The following PTPRO variants were observed in gnomAD, a reference collection of about 807,000 sequenced individuals.
PTPRO encodes protein tyrosine phosphatase receptor type O.
Under a neutral mutation model 145.2 loss-of-function variants are expected in PTPRO, and 62 were observed. The ratio of observed to expected loss-of-function variants is 0.43; its 90% CI spans 0.35 to 0.53. The LOEUF is 0.53. Ranked by LOEUF, PTPRO falls within the 20% of genes least tolerant of loss-of-function variation. PTPRO has a pLI of 0.01. For missense variants in PTPRO, 1,345 were observed against 1,482.7 expected (o/e 0.91, Z 1.53); for synonymous variants, 565 against 514.7 (o/e 1.10, Z -1.32).
intron 1 of PTPRO, among the ~76,000 whole-genome samples, chr12:15,388,052 A>T (rs966024174): frequency 2.6e-5 from 4 of 152,202 alleles, no homozygotes; most frequent in African/African-American, 9.6e-5. Flanking sequence ...AATGCTCATT[A>T]TAGAACAACC....
chr12:15,516,968 T>C lies in PTPRO; in HGVS notation c.1779+12T>C. 1.2e-6 allele frequency: 2 copies of C among 1,605,416 alleles called. No homozygotes were observed. The highest frequency in any genetic ancestry group is 1.7e-6 in the Non-Finnish European group (2 of 1,172,002). On this transcript the variant is annotated intron_variant, in intron 9 of 26. Transcript: ENST00000281171. ...TAACTGCATCCGTGGTAATCTTCCCTTAACCAACTGTCAGTCTTTCCTATG... is the reference window on the plus strand; with the variant it reads ...TAACTGCATCCGTGGTAATCTTCCCCTAACCAACTGTCAGTCTTTCCTATG...
At chr12:15,360,892 GTATATACACACACA>G (rs1440370539) in intron 1 of PTPRO, among the ~76,000 whole-genome samples, 14 of 127,456 alleles carry the variant, frequency 1.1e-4, no homozygotes, top group African/African-American at 4.0e-4. Context: ...ATACACATGT[GTATATACACACACA>G]TATATACACA....
intron 20 of PTPRO, among the ~76,000 whole-genome samples, chr12:15,579,366 C>A (rs535802434): frequency 6.6e-6 from 1 of 152,098 alleles, no homozygotes; most frequent in Admixed American, 6.6e-5. Context: ...TAATAAAAAG[C>A]AGCATTCAAG....
chr12:15,364,600 C>A (rs1030234792), intron 1 of PTPRO, among the ~76,000 whole-genome samples: 14 of 152,102 alleles, frequency 9.2e-5, no homozygotes, highest in Non-Finnish European at 1.8e-4. Flanking sequence ...CACACCAGCC[C>A]AGCAATCCAG....
intron 2 of PTPRO, among the ~76,000 whole-genome samples, chr12:15,495,350 C>G (rs1243377816): frequency 6.7e-6 from 1 of 148,896 alleles, no homozygotes; most frequent in Non-Finnish European, 1.5e-5. Flanking sequence ...AGAACCTGAG[C>G]AACAAAATAA....
At chr12:15,583,161 A>G (rs533816158) in intron 23 of PTPRO, among the ~76,000 whole-genome samples, 1 of 152,208 alleles carries the variant, frequency 6.6e-6, no homozygotes, top group Non-Finnish European at 1.5e-5. Context: ...CCCATGAGCT[A>G]AGAATGGTTT....
At chr12:15,421,235 A>G (rs573384677) in intron 1 of PTPRO, among the ~76,000 whole-genome samples, 3 of 152,318 alleles carry the variant, frequency 2.0e-5, no homozygotes, top group South Asian at 4.1e-4. Context: ...AGGATATTTC[A>G]TTTAACTTAC....
intron 1 of PTPRO, among the ~76,000 whole-genome samples, chr12:15,461,113 T>C (rs552210775): frequency 5.0e-4 from 76 of 152,280 alleles, no homozygotes; most frequent in African/African-American, 1.6e-3. Flanking sequence ...TTACAGCCCA[T>C]TCTCTCTGAA....
At chr12:15,498,384 G>A (rs1029847812) in intron 3 of PTPRO, among the ~76,000 whole-genome samples, 1 of 152,064 alleles carries the variant, frequency 6.6e-6, no homozygotes, top group Non-Finnish European at 1.5e-5. Context: ...GTGAAACACC[G>A]TCTCTACTAA....
chr12:15,507,721 A>G (rs1942352651), intron 6 of PTPRO, among the ~76,000 whole-genome samples: 1 of 152,154 alleles, frequency 6.6e-6, no homozygotes, highest in Non-Finnish European at 1.5e-5. Flanking sequence ...CCCTTGCACC[A>G]TTTACACCAA....
chr12:15,431,315 A>G (rs1940432687), intron 1 of PTPRO, among the ~76,000 whole-genome samples: 2 of 152,216 alleles, frequency 1.3e-5, no homozygotes, highest in African/African-American at 4.8e-5. Context: ...CTCAGGAGCA[A>G]TTAACTAGTT....
At chr12:15,581,562 T>C (rs1028805818) in intron 22 of PTPRO, 117 bp from the exon 23 acceptor site, 5 of 1,256,742 alleles carry the variant, frequency 4.0e-6, no homozygotes, top group African/African-American at 1.5e-5. Flanking sequence ...ATGTTTCATC[T>C]TCACCACGGT....
intron 1 of PTPRO, among the ~76,000 whole-genome samples, chr12:15,467,887 G>A (rs910730364): frequency 5.9e-5 from 9 of 152,216 alleles, no homozygotes; most frequent in East Asian, 5.8e-4. Flanking sequence ...TCAGGGTGAC[G>A]GAGAACTATT....
intron 1 of PTPRO, among the ~76,000 whole-genome samples, chr12:15,369,122 A>G (rs1193058852): frequency 6.6e-6 from 1 of 152,108 alleles, no homozygotes; most frequent in Non-Finnish European, 1.5e-5. Context: ...AGGAGTTTTA[A>G]TTGGACCTTC....
chr12:15,459,898 G>A lies in PTPRO; in HGVS notation c.76-24076G>A, dbSNP rs1048818360. Among the ~76,000 whole-genome samples the A allele has an allele frequency of 3.9e-5, 6 of 152,288 alleles. No individual in the cohort carries two copies. In the East Asian group the frequency reaches 5.8e-4, roughly 15 times the overall value. On this transcript the variant is annotated intron_variant, in intron 1 of 26. Transcript: ENST00000281171. ...TTTGAACTCAGGTACCCAAAGCAGA[G>A]TGTAGTGCTCCTCTACCCAGGGTGT...
chr12:15,362,305 A>G (rs1157937), intron 1 of PTPRO, among the ~76,000 whole-genome samples: 35,662 of 152,124 alleles, frequency 0.23, 4,379 homozygotes, highest in Non-Finnish European at 0.27. Flanking sequence ...TGGTTGGAAA[A>G]TAAGTAGGGA....
At chr12:15,587,552 C>G (rs779651563) in intron 24 of PTPRO, among the ~76,000 whole-genome samples, 13 of 152,144 alleles carry the variant, frequency 8.5e-5, no homozygotes, top group Non-Finnish European at 1.6e-4. Flanking sequence ...GGAAGATAAA[C>G]ATATTTGCTA....
chr12:15,335,045 T>C lies in PTPRO; in HGVS notation c.75+12244T>C, dbSNP rs546279997. Among the ~76,000 whole-genome samples, 5 of 152,220 alleles carry C rather than the reference T, an allele frequency of 3.3e-5. No individual in the cohort carries two copies. In the East Asian group the frequency reaches 7.7e-4, roughly 23 times the overall value. On this transcript the variant is annotated intron_variant, in intron 1 of 26. Coordinates refer to ENST00000281171, the MANE Select transcript of PTPRO (RefSeq NM_030667.3). The stretch of plus-strand genomic sequence containing the variant: ...AAGTTGGTGATCCATAAAATAGATA[T>C]CCTAGTAAAATTACTATGAGCTTTC...
chr12:15,455,745 A>C (rs1941160317), intron 1 of PTPRO, among the ~76,000 whole-genome samples: 1 of 152,158 alleles, frequency 6.6e-6, no homozygotes, highest in Non-Finnish European at 1.5e-5. Flanking sequence ...TACTTCTAAC[A>C]GTGTTTTTTG....
Sources: gnomAD v4.1 joint callset for allele counts (sites outside exome capture counted in the v4.1 genomes callset) on GRCh38, gnomAD v4.1.1 for gene constraint, MANE v1.5 for transcripts, NCBI Gene and HGNC (gene_info 2026-07-23, HGNC 2026-07-21) for gene names.